UMAD1: variants seen among roughly 807,000 people sequenced by gnomAD.
UMAD1 encodes the protein UBAP1-MVB12-associated (UMA)-domain containing protein 1.
Under a neutral mutation model 6.1 loss-of-function variants are expected in UMAD1, and 8 were observed. That is an observed-to-expected ratio of 1.30 (90% confidence interval 0.76 to 2.35). The LOEUF is 2.35. Ranked by LOEUF, UMAD1 falls within the 30% of genes most tolerant of loss-of-function variation. The pLI is 0.00. For missense variants in UMAD1, 130 were observed against 78.4 expected (o/e 1.66, Z -2.49); for synonymous variants, 56 against 31.4 (o/e 1.78, Z -2.61).
intron 1 of UMAD1, among the ~76,000 whole-genome samples, chr7:7,667,794 A>G (rs28916013): frequency 0.018 from 2,810 of 152,306 alleles, 87 homozygotes; most frequent in African/African-American, 0.064. Context: ...CTAAGTGTTA[A>G]GTGTTTCTGG....
At position 7,728,408 on chromosome 7, in the gene UMAD1, G is replaced by C. The variant is rs146789369; in HGVS notation, c.82+54955G>C. Among the ~76,000 whole-genome samples, 178 of 152,258 alleles carry C rather than the reference G, an allele frequency of 1.2e-3. 4 individuals are homozygous for C. The East Asian group carries it at 0.023, about 20-fold the overall frequency. On this transcript the variant is annotated intron_variant, in intron 2 of 3. Transcript: ENST00000682710. ...CACCTGTAATCCCAGCACTTTGGGAGGCCAAGGTGGGCGGATCATGAGGTC... is the reference window on the plus strand; with the variant it reads ...CACCTGTAATCCCAGCACTTTGGGACGCCAAGGTGGGCGGATCATGAGGTC...
intron 1 of UMAD1, among the ~76,000 whole-genome samples, chr7:7,671,368 C>CT (rs940935972): frequency 6.6e-6 from 1 of 152,158 alleles, no homozygotes; most frequent in Non-Finnish European, 1.5e-5. Flanking sequence ...CCCTTAGTCT[C>CT]TTTTTTCTGA....
intron 1 of UMAD1, among the ~76,000 whole-genome samples, chr7:7,661,152 T>G (rs1785465378): frequency 1.3e-5 from 2 of 152,336 alleles, no homozygotes; most frequent in Admixed American, 1.3e-4. Flanking sequence ...GTGCTGTGTT[T>G]TTCAGCTCCA....
intron 2 of UMAD1, among the ~76,000 whole-genome samples, chr7:7,771,527 A>G (rs1305743562): frequency 1.3e-5 from 2 of 152,130 alleles, no homozygotes; most frequent in Non-Finnish European, 2.9e-5. Context: ...TTGCCACTGA[A>G]GTTGGGGGTT....
intron 3 of UMAD1, among the ~76,000 whole-genome samples, chr7:7,848,502 C>T (rs77728046): frequency 0.029 from 4,395 of 152,090 alleles, 158 homozygotes; most frequent in East Asian, 0.14. Flanking sequence ...GTACTTCCAC[C>T]AAGGAGGGTA....
chr7:7,847,100 AAAAAATATATATATATATATAT>A lies in UMAD1; in HGVS notation c.157-30179_157-30158del, dbSNP rs1430610486. Among the ~76,000 whole-genome samples, 178 of 38,438 alleles carry A rather than the reference AAAAAATATATATATATATATAT, an allele frequency of 4.6e-3. 24 individuals are homozygous for A. The highest frequency in any genetic ancestry group is 0.03 in the African/African-American group (162 of 5,474). 25.2% of individuals were successfully genotyped at this position (38,438 alleles called of 152,430 possible). ...AAGACAGCAATGCAAAAAAAAAAAA[AAAAAATATATATATATATATAT>A]ATATATATATATATATATATATATA... On this transcript the variant is annotated intron_variant, in intron 3 of 3. Transcript: ENST00000682710.
At chr7:7,804,582 A>C (rs1336628113) in intron 3 of UMAD1, among the ~76,000 whole-genome samples, 1 of 152,242 alleles carries the variant, frequency 6.6e-6, no homozygotes, top group Non-Finnish European at 1.5e-5. Context: ...CTGAGGCAGG[A>C]GAACTGCTTG....
At chr7:7,744,593 GTTT>G in intron 2 of UMAD1, among the ~76,000 whole-genome samples, 1 of 135,870 alleles carries the variant, frequency 7.4e-6, no homozygotes, top group Non-Finnish European at 1.6e-5. Flanking sequence ...AATTGTTACT[GTTT>G]TTTTTTTTTT....
At chr7:7,784,591 C>T (rs908434994) in intron 2 of UMAD1, among the ~76,000 whole-genome samples, 1 of 151,698 alleles carries the variant, frequency 6.6e-6, no homozygotes, top group Non-Finnish European at 1.5e-5. Context: ...GTGATCCGCC[C>T]TCCTCGGCGT....
intron 2 of UMAD1, chr7:7,738,957 CAG>C (rs1321533276): frequency 1.3e-5 from 2 of 152,112 alleles, no homozygotes; most frequent in African/African-American, 2.4e-5. Context: ...AGGCTCAGCA[CAG>C]GGAATGAAAT....
intron 2 of UMAD1, chr7:7,715,222 A>G (rs1475833447): frequency 6.6e-6 from 1 of 152,208 alleles, no homozygotes; most frequent in Non-Finnish European, 1.5e-5. Context: ...CCTTTTTCTG[A>G]GTACCTGAGA....
chr7:7,819,978 C>T (rs1583849805), intron 3 of UMAD1, among the ~76,000 whole-genome samples: 1 of 152,274 alleles, frequency 6.6e-6, no homozygotes, highest in Non-Finnish European at 1.5e-5. Flanking sequence ...TTCTAAGACT[C>T]ATCATATCAA....
At chr7:7,790,990 A>C (rs535142529) in intron 2 of UMAD1, among the ~76,000 whole-genome samples, 1 of 152,306 alleles carries the variant, frequency 6.6e-6, no homozygotes, top group East Asian at 1.9e-4. Flanking sequence ...TCCCGGGCTC[A>C]AGCACTCCTC....
At chr7:7,781,500 T>C (rs1782344439) in intron 2 of UMAD1, among the ~76,000 whole-genome samples, 1 of 152,112 alleles carries the variant, frequency 6.6e-6, no homozygotes, top group Non-Finnish European at 1.5e-5. Context: ...TATATGTTTA[T>C]AATCCTATCC....
intron 2 of UMAD1, chr7:7,687,220 C>T (rs1380110499): frequency 1.3e-5 from 2 of 152,130 alleles, no homozygotes. Flanking sequence ...TTTGAGCAGG[C>T]TACTTACCAT....
In UMAD1 at chr7:7,871,079, A is replaced by G. The variant is rs554658053; in HGVS notation, c.157-6202A>G. Among the ~76,000 whole-genome samples the G allele has an allele frequency of 3.9e-5, 6 of 152,296 alleles. No individual in the cohort carries two copies. In the South Asian group the frequency reaches 1.2e-3, roughly 32 times the overall value. On this transcript the variant is annotated intron_variant, in intron 3 of 3. Transcript: ENST00000682710. ...TTTCACTGTCCACGGTGTTTTTCCC[A>G]TGGTCTTATCCAGACTGCTGGTAGA...
chr7:7,645,897 G>A (rs1453570452), intron 1 of UMAD1, among the ~76,000 whole-genome samples: 4 of 151,582 alleles, frequency 2.6e-5, no homozygotes, highest in Non-Finnish European at 5.9e-5. Flanking sequence ...TCAAAATTTG[G>A]CATTATGGTT....
chr7:7,691,030 G>A (rs909230488), intron 2 of UMAD1, among the ~76,000 whole-genome samples: 1 of 152,164 alleles, frequency 6.6e-6, no homozygotes, highest in African/African-American at 2.4e-5. Context: ...GTAGAGCTCA[G>A]CATGGTACAA....
At chr7:7,696,527 T>C (rs1248669419) in intron 2 of UMAD1, among the ~76,000 whole-genome samples, 1 of 152,170 alleles carries the variant, frequency 6.6e-6, no homozygotes, top group African/African-American at 2.4e-5. Flanking sequence ...TTGTAGAAAT[T>C]CAGATGTCAT....
Sources: allele counts gnomAD v4.1 joint callset (sites outside exome capture counted in the v4.1 genomes callset), GRCh38; gene constraint gnomAD v4.1.1; transcripts MANE v1.5; gene names NCBI Gene and HGNC (gene_info 2026-07-23, HGNC 2026-07-21).